Variants in SEMA3A observed in about 807,000 individuals in gnomAD.
SEMA3A encodes the protein semaphorin-3A.
Under a neutral mutation model 97.9 loss-of-function variants are expected in SEMA3A, and 29 were observed. The ratio of observed to expected loss-of-function variants is 0.30; its 90% CI spans 0.22 to 0.40. SEMA3A has a LOEUF of 0.40. Ranked by LOEUF, SEMA3A falls within the 10% of genes least tolerant of loss-of-function variation. The probability of loss-of-function intolerance (pLI) is 1.00; values close to 1 mark genes in which losing one functional copy is unlikely to be tolerated. For missense variants in SEMA3A, 763 were observed against 951.3 expected (o/e 0.80, Z 2.60); for synonymous variants, 321 against 323.7 (o/e 0.99, Z 0.09).
rs193068190 is a variant in SEMA3A at position 84,287,741 on chromosome 7, C to T, written c.-83+19466G>A. ...TTCAGTGTACCATTGTGTAGACCAG[C>T]CACGCCAAGCACTCAAATGCTGTTC... On this transcript the variant is annotated intron_variant, in intron 3 of 3. Transcript: ENST00000424555. 1.8e-3 allele frequency among the ~76,000 whole-genome samples: 275 copies of T among 152,168 alleles called. 1 individual carries two copies. The highest frequency in any genetic ancestry group is 6.2e-3 in the African/African-American group (258 of 41,508).
intron 3 of SEMA3A, among the ~76,000 whole-genome samples, chr7:84,212,123 T>C (rs1015506306): frequency 5.3e-5 from 8 of 152,134 alleles, no homozygotes; most frequent in Non-Finnish European, 8.8e-5. Context: ...ACAGAGGTGG[T>C]AGCAGAAAAA....
chr7:84,055,022 C>G (rs531466890), intron 5 of SEMA3A, among the ~76,000 whole-genome samples: 15 of 152,202 alleles, frequency 9.9e-5, no homozygotes, highest in Admixed American at 2.6e-4. Flanking sequence ...GCTCAGGGGT[C>G]AGGGGTCAGG....
At chr7:84,377,474 T>C (rs1037704921) in intron 1 of SEMA3A, among the ~76,000 whole-genome samples, 4 of 152,196 alleles carry the variant, frequency 2.6e-5, no homozygotes, top group Admixed American at 6.5e-5. Flanking sequence ...TCTGTTTTTA[T>C]GCCAGCACTA....
intron 7 of SEMA3A, among the ~76,000 whole-genome samples, chr7:84,013,644 C>A (rs564020576): frequency 1.3e-5 from 2 of 151,718 alleles, no homozygotes; most frequent in Non-Finnish European, 2.9e-5. Flanking sequence ...ATCAGGAGTT[C>A]AAGACCAGCC....
intron 3 of SEMA3A, among the ~76,000 whole-genome samples, chr7:84,303,122 T>A (rs1801064034): frequency 6.6e-6 from 1 of 152,132 alleles, no homozygotes. Context: ...TCACAGCCAT[T>A]CCAATCCCCA....
intron 4 of SEMA3A, among the ~76,000 whole-genome samples, chr7:84,092,010 A>G (rs1794617706): frequency 1.3e-5 from 2 of 152,206 alleles, no homozygotes; most frequent in Non-Finnish European, 2.9e-5. Context: ...GAGTACCCTA[A>G]GAATACTCTA....
chr7:84,373,054 G>A (rs1329992617), intron 1 of SEMA3A, among the ~76,000 whole-genome samples: 3 of 152,156 alleles, frequency 2.0e-5, no homozygotes, highest in Non-Finnish European at 4.4e-5. Flanking sequence ...ACCATAAAAT[G>A]TACATACCTG....
chr7:84,364,927 T>C (rs1584267266), intron 2 of SEMA3A, among the ~76,000 whole-genome samples: 1 of 151,416 alleles, frequency 6.6e-6, no homozygotes, highest in African/African-American at 2.4e-5. Flanking sequence ...AAACACAGAA[T>C]GCATCTGACC....
At chr7:84,344,763 A>G (rs916722869) in intron 2 of SEMA3A, among the ~76,000 whole-genome samples, 3 of 152,188 alleles carry the variant, frequency 2.0e-5, no homozygotes, top group African/African-American at 7.2e-5. Flanking sequence ...CTGGAGCTCA[A>G]GGATTACGGT....
At chr7:84,074,280 C>T (rs557090904) in intron 4 of SEMA3A, among the ~76,000 whole-genome samples, 4 of 152,144 alleles carry the variant, frequency 2.6e-5, no homozygotes, top group Admixed American at 2.6e-4. Context: ...GTCCTTGGAT[C>T]TTCAAAAGAA....
chr7:84,462,962 G>C (rs1237029179), intron 1 of SEMA3A, among the ~76,000 whole-genome samples: 1 of 152,070 alleles, frequency 6.6e-6, no homozygotes. Flanking sequence ...ATTTTCAAAT[G>C]TCCTCTGTTT....
upstream of SEMA3A, chr7:84,195,531 C>A (rs1360071217): frequency 6.6e-6 from 1 of 151,904 alleles, no homozygotes; most frequent in Non-Finnish European, 1.5e-5. Flanking sequence ...CCCAACAAAC[C>A]CCCTGGGCTC....
rs1796222195 is a variant in SEMA3A, at chr7:84,138,962, CT to C, written c.113-4012del. Among the ~76,000 whole-genome samples, 6 of 152,066 alleles carry C rather than the reference CT, an allele frequency of 3.9e-5. No homozygotes were observed. In the South Asian group the frequency reaches 1.2e-3, roughly 32 times the overall value. ...TCTAGTTCTCAGATTCTTCAGTATTCTGTTTTCCTTAGTTAAATGCATGACT... is the reference window on the plus strand; with the variant it reads ...TCTAGTTCTCAGATTCTTCAGTATTCGTTTTCCTTAGTTAAATGCATGACT... On this transcript the variant is annotated intron_variant, in intron 1 of 16. Transcript: ENST00000265362.
rs1400744749 is a variant in SEMA3A, at chr7:84,063,991, A to T, written c.454-3433T>A. On this transcript the variant is annotated intron_variant, in intron 4 of 16. Transcript: ENST00000265362. ...GTCAGATTCACCAAAGTTGAAATGA[A>T]GGAAAAAATGTTAAGGGCAGCCAGA... Among the ~76,000 whole-genome samples, 269 of 151,498 alleles carry T rather than the reference A, an allele frequency of 1.8e-3. 1 individual carries two copies. Among genetic ancestry groups the T allele is most frequent in the Middle Eastern group, 6.8e-3 (2 of 292 alleles).
At chr7:84,424,912 T>TATATATATATTTATATTTATATAA (rs1804746134) in intron 1 of SEMA3A, among the ~76,000 whole-genome samples, 2 of 26,922 alleles carry the variant, frequency 7.4e-5, no homozygotes, top group African/African-American at 7.0e-4. Flanking sequence ...TAAACATAAA[T>TATATATATATTTATATTTATATAA]ATATATATAT....
At chr7:84,400,901 C>A (rs947416391) in intron 1 of SEMA3A, among the ~76,000 whole-genome samples, 5 of 152,142 alleles carry the variant, frequency 3.3e-5, no homozygotes, top group Non-Finnish European at 1.5e-5. Context: ...GTGAAAAACC[C>A]ATGGCTAGCA....
At chr7:84,000,115 C>A (rs1400297283) in intron 12 of SEMA3A, among the ~76,000 whole-genome samples, 1 of 149,926 alleles carries the variant, frequency 6.7e-6, no homozygotes, top group African/African-American at 2.4e-5. Flanking sequence ...ATTTATCCAC[C>A]CCTGAGTGCC....
chr7:84,016,991 T>G (rs946762658), intron 6 of SEMA3A, among the ~76,000 whole-genome samples: 1 of 152,214 alleles, frequency 6.6e-6, no homozygotes, highest in African/African-American at 2.4e-5. Context: ...CTTGAATAAC[T>G]TAAAGAACTC....
intron 4 of SEMA3A, among the ~76,000 whole-genome samples, chr7:84,079,955 A>G (rs1251610932): frequency 6.8e-6 from 1 of 146,688 alleles, no homozygotes; most frequent in Non-Finnish European, 1.5e-5. Context: ...AACCAACCCA[A>G]ATGTCCAACA....
Sources: allele counts gnomAD v4.1 joint callset (sites outside exome capture counted in the v4.1 genomes callset), GRCh38; gene constraint gnomAD v4.1.1; transcripts MANE v1.5; gene names NCBI Gene and HGNC (gene_info 2026-07-23, HGNC 2026-07-21).